Variants in ZNF17 observed in about 807,000 individuals in gnomAD.
ZNF17 encodes the protein zinc finger protein 17, also known as zinc finger protein 17 (HPF3, KOX 10).
In ZNF17, 4 loss-of-function variants were observed where a neutral mutation model predicts 7.7. The observed-to-expected ratio is 0.52, with a 90% confidence interval of 0.26 to 1.20. The LOEUF (loss-of-function observed/expected upper bound fraction) is 1.20, where lower values mean the gene tolerates loss of function less well. Ranked by LOEUF, ZNF17 falls within the 50% of genes most tolerant of loss-of-function variation. ZNF17 has a pLI of 0.14. For synonymous variants in ZNF17, 249 were observed against 258.8 expected (o/e 0.96, Z 0.36); for missense variants, 738 against 799.5 (o/e 0.92, Z 0.93).
chr19:57,417,272 G>A (rs890897429), intron 2 of ZNF17, among the ~76,000 whole-genome samples: 1 of 152,096 alleles, frequency 6.6e-6, no homozygotes, highest in African/African-American at 2.4e-5. Flanking sequence ...GCTTTATTGG[G>A]GTTTTGGCTG....
chr19:57,416,103 A>G (rs1180626771), intron 2 of ZNF17, among the ~76,000 whole-genome samples: 1 of 152,092 alleles, frequency 6.6e-6, no homozygotes, highest in Non-Finnish European at 1.5e-5. Context: ...GTGGGTTTGG[A>G]AAGCTGAGGT....
intron 1 of ZNF17, among the ~76,000 whole-genome samples, chr19:57,412,447 C>CTTTTTTT (rs371324558): frequency 8.6e-6 from 1 of 115,642 alleles, no homozygotes. Context: ...ATGTGTAAAA[C>CTTTTTTT]ATTTTTTTTT....
intron 1 of ZNF17, chr19:57,413,278 C>G (rs2123061352): frequency 3.5e-6 from 1 of 286,738 alleles, no homozygotes; most frequent in South Asian, 1.1e-4. Context: ...ATTTCAAAAC[C>G]CTTCCATGTC....
At chr19:57,415,710 A>G (rs1162484932) in intron 2 of ZNF17, among the ~76,000 whole-genome samples, 3 of 152,014 alleles carry the variant, frequency 2.0e-5, no homozygotes, top group Non-Finnish European at 2.9e-5. Context: ...TATGTTGGAG[A>G]TGGCCTTTGG....
At chr19:57,413,771 C>T (rs907715607) in intron 2 of ZNF17, 135 bp downstream of exon 2, 55 of 1,094,484 alleles carry the variant, frequency 5.0e-5, no homozygotes, top group Non-Finnish European at 6.8e-5. Flanking sequence ...GTAGTTCCAC[C>T]AGACCTGGGT....
intron 2 of ZNF17, among the ~76,000 whole-genome samples, chr19:57,414,478 G>A (rs1200532533): frequency 6.6e-6 from 1 of 151,912 alleles, no homozygotes; most frequent in Non-Finnish European, 1.5e-5. Context: ...GGGATTACAG[G>A]CATGAACCAA....
At chr19:57,415,205 C>G (rs145222318) in intron 2 of ZNF17, among the ~76,000 whole-genome samples, 1 of 152,214 alleles carries the variant, frequency 6.6e-6, no homozygotes, top group East Asian at 1.9e-4. Context: ...TAGAGCTGCT[C>G]ACATTTTTTG....
At chr19:57,414,407 T>C (rs1333252194) in intron 2 of ZNF17, among the ~76,000 whole-genome samples, 1 of 151,232 alleles carries the variant, frequency 6.6e-6, no homozygotes, top group African/African-American at 2.4e-5. Flanking sequence ...TGATCTCGGA[T>C]CATTGCGACC....
chr19:57,417,986 A>G lies in ZNF17; in HGVS notation c.96A>G (p.Arg32=), dbSNP rs762050947. 1.2e-6 allele frequency: 2 copies of G among 1,614,132 alleles called. No homozygotes were observed. Among genetic ancestry groups the G allele is most frequent in the Non-Finnish European group, 1.7e-6 (2 of 1,180,026 alleles). ...EEWGILNDVQ[R]HLHSDVMLEN... is the part of the protein sequence containing the mutation. The stretch of plus-strand genomic sequence containing the variant: ...GGGGAATTCTTAATGACGTTCAGAG[A>G]CACCTGCACAGCGATGTGATGCTGG... The change falls in exon 3 of 4, where the codon AGA becomes AGG. Residue 32 remains arginine, a synonymous_variant. Coordinates refer to ENST00000307658, the MANE Select transcript of ZNF17 (RefSeq NM_001330617.2).
chr19:57,420,186 G>A lies in ZNF17; in HGVS notation c.700G>A (p.Asp234Asn), dbSNP rs772489710. ...ECGKLFRYNS[D>N]LIKHQRNHTG... is the part of the protein sequence containing the mutation. ...TGGCAAATTGTTTAGGTACAACTCC[G>A]ACCTTATTAAACATCAGCGAAATCA... Residue 234 changes from aspartate (D) to asparagine (N), a missense_variant, in exon 4 of 4, where the codon GAC (aspartate) becomes AAC (asparagine). Asp to Asn is a conservative substitution (Grantham distance 23). Coordinates refer to ENST00000307658, the MANE Select transcript of ZNF17 (RefSeq NM_001330617.2). 9.9e-6 allele frequency: 16 copies of A among 1,612,940 alleles called. No individual in the cohort carries two copies. In the East Asian group the frequency reaches 1.3e-4, roughly 13 times the overall value.
chr19:57,415,909 A>G lies in ZNF17; in HGVS notation c.22-2003A>G, dbSNP rs146801746. Among the ~76,000 whole-genome samples the G allele has an allele frequency of 7.3e-3, 1,104 of 152,222 alleles. 7 individuals are homozygous for G. Among genetic ancestry groups the G allele is most frequent in the Non-Finnish European group, 0.011 (747 of 68,004 alleles). ...CGAACTCTGAGACTATTTTGGCAGA[A>G]GATGGGATCATCTAGAAGCATTGCT... On this transcript the variant is annotated intron_variant, in intron 2 of 3. Coordinates refer to ENST00000307658, the MANE Select transcript of ZNF17 (RefSeq NM_001330617.2).
In ZNF17 at chr19:57,417,911, G is replaced by A; in HGVS notation, c.22-1G>A. On this transcript the variant is annotated splice_acceptor_variant, in intron 2 of 3. Transcript: ENST00000307658. LOFTEE classifies it high-confidence loss of function. ...AGACTAAACTGTTATAATTTTGGCA[G>A]GATTATATGGTTTTTGAGGACGTGG... is the stretch of plus-strand genomic sequence containing the variant. The A allele has an allele frequency of 6.2e-7, 1 of 1,613,842 alleles. No individual in the cohort carries two copies. Among genetic ancestry groups the A allele is most frequent in the Non-Finnish European group, 8.5e-7 (1 of 1,179,960 alleles).
In ZNF17 at chr19:57,419,930, C is replaced by T; in HGVS notation, c.444C>T (p.Asn148=). 2 of 1,614,200 alleles carry T rather than the reference C, an allele frequency of 1.2e-6. No homozygotes were observed. The highest frequency in any genetic ancestry group is 1.1e-5 in the South Asian group (1 of 91,086). The change falls in exon 4 of 4, where the codon AAC becomes AAT. Residue 148 remains asparagine (N), a synonymous_variant. Transcript: ENST00000307658. ...VNDSVHLAKR[N]LTCMQGGKDF... ...ACAGTGTTCACCTGGCAAAGAGGAA[C>T]CTCACATGCATGCAGGGTGGCAAGG...
At chr19:57,418,115 A>C in intron 3 of ZNF17, 77 bp downstream of exon 3, 1 of 1,548,816 alleles carries the variant, frequency 6.5e-7, no homozygotes, top group Non-Finnish European at 8.8e-7. Flanking sequence ...TCTCCGTCTC[A>C]CACCAGGTCA....
chr19:57,419,486 C>A (rs2088832942), intron 3 of ZNF17, 149 bp from the exon 4 acceptor site: 5 of 806,002 alleles, frequency 6.2e-6, no homozygotes, highest in African/African-American at 1.7e-5. Flanking sequence ...CCGGTTCTGC[C>A]CAGTAGGCTT....
At position 57,414,657 on chromosome 19, in the gene ZNF17, G is replaced by C. The variant is rs568117287; in HGVS notation, c.21+1021G>C. ...GTGGTTCTAGGTCTTTAATCTGAGG[G>C]GGGTAGTAGCTAGGGAAGGTTTGAG... On this transcript the variant is annotated intron_variant, in intron 2 of 3. Transcript: ENST00000307658. Among the ~76,000 whole-genome samples, 10 of 151,840 alleles carry C rather than the reference G, an allele frequency of 6.6e-5. No individual in the cohort carries two copies. The East Asian group carries it at 9.7e-4, about 15-fold the overall frequency.
At chr19:57,413,547 A>G (rs2088792015) in intron 1 of ZNF17, 49 bp from the exon 2 acceptor site, 1 of 1,532,540 alleles carries the variant, frequency 6.5e-7, no homozygotes, top group Non-Finnish European at 8.7e-7. Context: ...GTCAGCCTGT[A>G]GGATGCTGCA....
In ZNF17 at chr19:57,419,686, C is replaced by T. The variant is rs752802064; in HGVS notation, c.200C>T (p.Ser67Phe). Reference sequence around the variant, plus strand: ...GAGGCACCTTCCAAGCAATGTGTTTCTGTAGGAGTGTCACAGGTCACAACT... The same window carrying T: ...GAGGCACCTTCCAAGCAATGTGTTTTTGTAGGAGTGTCACAGGTCACAACT... The part of the protein sequence containing the change: ...DEEAPSKQCV[S>F]VGVSQVTTLK... The change falls in exon 4 of 4, where the codon TCT becomes TTT. Residue 67 changes from serine to phenylalanine, a missense_variant. Physicochemically the swap from Ser to Phe is radical, Grantham distance 155. This residue lies in a region of ZNF17 where 616 missense variants were observed against 663.9 expected (regional missense o/e 0.93). Transcript: ENST00000307658. 29 of 1,614,070 alleles carry T rather than the reference C, an allele frequency of 1.8e-5. No individual in the cohort carries two copies. Among genetic ancestry groups the T allele is most frequent in the Non-Finnish European group, 2.5e-5 (29 of 1,180,024 alleles).
At chr19:57,416,439 C>T (rs1438104185) in intron 2 of ZNF17, among the ~76,000 whole-genome samples, 1 of 152,062 alleles carries the variant, frequency 6.6e-6, no homozygotes, top group African/African-American at 2.4e-5. Context: ...ATCTGAGAGG[C>T]AAGATCTGGG....
Sources: gnomAD v4.1 joint callset for allele counts (sites outside exome capture counted in the v4.1 genomes callset) on GRCh38, gnomAD v4.1.1 for gene constraint, gnomAD v4.1.1 regional missense constraint, MANE v1.5 for transcripts, NCBI Gene and HGNC (gene_info 2026-07-23, HGNC 2026-07-21) for gene names.